CNPY1: variants seen among roughly 807,000 people sequenced by gnomAD.
CNPY1 encodes the protein canopy FGF signaling regulator 1.
A neutral mutation model predicts 14.4 loss-of-function variants in CNPY1; 14 were observed. That is an observed-to-expected ratio of 0.97 (90% CI 0.64 to 1.52). The LOEUF (loss-of-function observed/expected upper bound fraction) is 1.52. CNPY1 is among the 40% of genes most tolerant of loss of function. The pLI, the probability that CNPY1 is intolerant of heterozygous loss-of-function variation, is 0.00. For synonymous variants in CNPY1, 43 were observed against 46.5 expected (o/e 0.92, Z 0.31); for missense variants, 129 against 131.5 (o/e 0.98, Z 0.09).
chr7:155,537,454 G>A (rs765661506), intron 2 of CNPY1, among the ~76,000 whole-genome samples: 21 of 141,642 alleles, frequency 1.5e-4, no homozygotes, highest in Middle Eastern at 3.6e-3. Flanking sequence ...ACGGAGTTTC[G>A]CTTTTGTCGT....
At chr7:155,531,579 G>T (rs539386238) in intron 2 of CNPY1, among the ~76,000 whole-genome samples, 1 of 152,264 alleles carries the variant, frequency 6.6e-6, no homozygotes, top group South Asian at 2.1e-4. Flanking sequence ...TAGGATATCG[G>T]CACTTCCCTG....
Position 155,509,051 on chromosome 7 carries a change from T to C in CNPY1, c.146A>G (p.Lys49Arg), listed in dbSNP as rs1460561110. The change falls in exon 3 of 5, where the codon AAA (lysine) becomes AGA (arginine). Residue 49 changes from lysine to arginine, a missense_variant. Transcript: ENST00000636446. ...GTAGTCGTTCATTCGCTCACAGACT[T>C]TCTCCAAAAGATCCGTTAGGAACGC... ...SEAFLTDLLEKVCERMNDYKL... is the reference protein window; with the variant it reads ...SEAFLTDLLERVCERMNDYKL... The C allele has an allele frequency of 1.2e-6, 2 of 1,607,664 alleles. No individual in the cohort carries two copies. The highest frequency in any genetic ancestry group is 3.4e-5 in the Admixed American group (2 of 58,220).
At chr7:155,540,518 T>C (rs1407336588) in intron 2 of CNPY1, among the ~76,000 whole-genome samples, 1 of 152,234 alleles carries the variant, frequency 6.6e-6, no homozygotes, top group African/African-American at 2.4e-5. Flanking sequence ...TAAAGAAGCA[T>C]GAGGTGTTGG....
At chr7:155,542,621 C>T (rs773925462) in intron 2 of CNPY1, among the ~76,000 whole-genome samples, 4 of 152,210 alleles carry the variant, frequency 2.6e-5, no homozygotes, top group Non-Finnish European at 4.4e-5. Flanking sequence ...CCACATATCC[C>T]GGGGCTCCTG....
At chr7:155,533,265 C>T (rs556701918) in intron 2 of CNPY1, among the ~76,000 whole-genome samples, 1 of 152,342 alleles carries the variant, frequency 6.6e-6, no homozygotes, top group Admixed American at 6.5e-5. Flanking sequence ...AGGCACCTCT[C>T]GTTCGGGGTC....
At chr7:155,520,892 C>T (rs893677366) in intron 2 of CNPY1, among the ~76,000 whole-genome samples, 11 of 152,018 alleles carry the variant, frequency 7.2e-5, no homozygotes, top group East Asian at 1.9e-4. Flanking sequence ...TTTGGGAGGC[C>T]GAGGCAGGCG....
At chr7:155,506,838 T>G in intron 4 of CNPY1, 182 bp downstream of exon 4, 1 of 618,318 alleles carries the variant, frequency 1.6e-6, no homozygotes, top group East Asian at 2.9e-5. Flanking sequence ...AGCCCTGTGG[T>G]TTCTGTTTAT....
chr7:155,526,668 G>A (rs188318557), intron 2 of CNPY1, among the ~76,000 whole-genome samples: 1 of 152,320 alleles, frequency 6.6e-6, no homozygotes, highest in Admixed American at 6.5e-5. Context: ...AAAGGCAATA[G>A]CGAAATACCA....
chr7:155,503,734 T>G (rs1796200649), intron 4 of CNPY1, among the ~76,000 whole-genome samples: 1 of 152,232 alleles, frequency 6.6e-6, no homozygotes, highest in Non-Finnish European at 1.5e-5. Context: ...ACGCTGCATT[T>G]GAAATTGTGA....
chr7:155,543,825 A>G (rs1297874753), intron 2 of CNPY1, among the ~76,000 whole-genome samples: 1 of 152,212 alleles, frequency 6.6e-6, no homozygotes, highest in Non-Finnish European at 1.5e-5. Flanking sequence ...CTGGGCAGAA[A>G]GATCACCTGA....
At chr7:155,529,563 G>C (rs1796899334) in intron 2 of CNPY1, among the ~76,000 whole-genome samples, 1 of 152,046 alleles carries the variant, frequency 6.6e-6, no homozygotes, top group South Asian at 2.1e-4. Context: ...GCATTCCTTG[G>C]CTTATGGACG....
chr7:155,509,465 CAG>C (rs1053251441), intron 2 of CNPY1, among the ~76,000 whole-genome samples: 2 of 151,554 alleles, frequency 1.3e-5, no homozygotes, highest in South Asian at 2.1e-4. Flanking sequence ...ACTTGTCAGA[CAG>C]AGAGAGGAGA....
chr7:155,509,537 GGAGAGAGAGCGA>G (rs1348738021), intron 2 of CNPY1, among the ~76,000 whole-genome samples: 2 of 151,698 alleles, frequency 1.3e-5, no homozygotes, highest in East Asian at 3.9e-4. Context: ...AGAGAGGGAG[GGAGAGAGAGCGA>G]GAGAGAGAGC....
At position 155,522,753 on chromosome 7, in the gene CNPY1, C is replaced by T. The variant is rs570947321; in HGVS notation, c.100-13656G>A. 1.6e-4 allele frequency among the ~76,000 whole-genome samples: 25 copies of T among 152,324 alleles called. No homozygotes were observed. The East Asian group carries it at 4.4e-3, about 27-fold the overall frequency. On this transcript the variant is annotated intron_variant, in intron 2 of 4. Transcript: ENST00000636446. Reference sequence around the variant, plus strand: ...ACTCCCCTGGTTACTTCTTACAGCACGCTAGTCACGCATAGCACCAGGCAG... The same window carrying T: ...ACTCCCCTGGTTACTTCTTACAGCATGCTAGTCACGCATAGCACCAGGCAG...
At chr7:155,546,405 C>T (rs1942160144) in intron 1 of CNPY1, 24 bp downstream of exon 1, 1 of 397,228 alleles carries the variant, frequency 2.5e-6, no homozygotes, top group East Asian at 3.6e-5. Flanking sequence ...CCAGGTAGGT[C>T]TTGAACTCAA....
chr7:155,519,316 T>C (rs1470745734), intron 2 of CNPY1, among the ~76,000 whole-genome samples: 1 of 152,120 alleles, frequency 6.6e-6, no homozygotes, highest in East Asian at 1.9e-4. Context: ...GATCTCTTGT[T>C]TGAGACCAGC....
At chr7:155,545,778 G>A (rs1797150036) in intron 2 of CNPY1, 53 bp downstream of exon 2, 6 of 398,004 alleles carry the variant, frequency 1.5e-5, no homozygotes, top group Non-Finnish European at 2.2e-5. Context: ...TAAATGGTTG[G>A]TAATTGCCCA....
chr7:155,538,485 C>T (rs1797047871), intron 2 of CNPY1, among the ~76,000 whole-genome samples: 1 of 152,146 alleles, frequency 6.6e-6, no homozygotes, highest in Admixed American at 6.5e-5. Context: ...AGAGCCCTCC[C>T]ACCCCCCTCC....
chr7:155,508,793 T>G, intron 3 of CNPY1, 101 bp downstream of exon 3: 6 of 1,252,450 alleles, frequency 4.8e-6, no homozygotes, highest in Non-Finnish European at 5.7e-6. Context: ...TGATGTTCCA[T>G]GTCTTGAAAC....
Sources: gnomAD v4.1 joint callset for allele counts (sites outside exome capture counted in the v4.1 genomes callset) on GRCh38, gnomAD v4.1.1 for gene constraint, MANE v1.5 for transcripts, NCBI Gene and HGNC (gene_info 2026-07-23, HGNC 2026-07-21) for gene names.